The following CFAP54 variants were observed in gnomAD, a reference collection of about 807,000 sequenced individuals.
CFAP54 encodes the protein cilia- and flagella-associated protein 54.
Under a neutral mutation model 370.4 loss-of-function variants are expected in CFAP54, and 290 were observed. That is an observed-to-expected ratio of 0.78 (90% CI 0.71 to 0.86). The LOEUF (loss-of-function observed/expected upper bound fraction) is 0.86. CFAP54 is among the 40% of genes least tolerant of loss of function. CFAP54 has a pLI of 0.00. For synonymous variants in CFAP54, 1,206 were observed against 1,236.5 expected (o/e 0.98, Z 0.52); for missense variants, 3,399 against 3,528.7 (o/e 0.96, Z 0.93).
chr12:96,687,194 A>G (rs1234949535), intron 42 of CFAP54, among the ~76,000 whole-genome samples: 2 of 152,050 alleles, frequency 1.3e-5, no homozygotes, highest in African/African-American at 4.8e-5. Flanking sequence ...TTCTCTTATA[A>G]GGGCCATCGT....
At chr12:96,642,988 C>G (rs1428275999) in intron 32 of CFAP54, among the ~76,000 whole-genome samples, 2 of 152,194 alleles carry the variant, frequency 1.3e-5, no homozygotes, top group Non-Finnish European at 2.9e-5. Context: ...TGTCCTGTCG[C>G]TGATCTCCCT....
intron 3 of CFAP54, among the ~76,000 whole-genome samples, chr12:96,504,964 TTTC>T (rs1358569895): frequency 6.6e-6 from 1 of 151,578 alleles, no homozygotes; most frequent in African/African-American, 2.4e-5. Context: ...TCTTTCTTTC[TTTC>T]TTTCTTTCCC....
At chr12:96,814,357 A>G (rs1212554328) in intron 64 of CFAP54, among the ~76,000 whole-genome samples, 1 of 152,130 alleles carries the variant, frequency 6.6e-6, no homozygotes, top group Non-Finnish European at 1.5e-5. Context: ...GATGAAGTAG[A>G]TTTTCTTATT....
chr12:96,793,188 C>T (rs1349573595), intron 63 of CFAP54, among the ~76,000 whole-genome samples: 5 of 152,074 alleles, frequency 3.3e-5, no homozygotes, highest in East Asian at 1.9e-4. Flanking sequence ...CTCACCCCTG[C>T]TCCACCCTCT....
At chr12:96,662,582 C>A (rs574776623) in intron 38 of CFAP54, among the ~76,000 whole-genome samples, 1 of 152,320 alleles carries the variant, frequency 6.6e-6, no homozygotes, top group South Asian at 2.1e-4. Context: ...CTGTTTAAAA[C>A]CCTATGGTGG....
intron 39 of CFAP54, among the ~76,000 whole-genome samples, chr12:96,676,547 A>C (rs886373006): frequency 6.6e-6 from 1 of 151,886 alleles, no homozygotes; most frequent in East Asian, 1.9e-4. Context: ...CTTTACTTTT[A>C]TTTAGTTATT....
chr12:96,710,199 C>G (rs759058540), intron 48 of CFAP54, among the ~76,000 whole-genome samples: 1 of 151,254 alleles, frequency 6.6e-6, no homozygotes, highest in South Asian at 2.1e-4. Flanking sequence ...ATGGTGAGAC[C>G]AACAGATCAG....
chr12:96,826,761 T>A (rs540156166), intron 65 of CFAP54, among the ~76,000 whole-genome samples: 1 of 111,714 alleles, frequency 9.0e-6, no homozygotes, highest in African/African-American at 3.8e-5. Flanking sequence ...TAATACATAT[T>A]AATATATTAT....
chr12:96,841,551 G>T (rs949913485), intron 66 of CFAP54, among the ~76,000 whole-genome samples: 1 of 152,162 alleles, frequency 6.6e-6, no homozygotes, highest in Non-Finnish European at 1.5e-5. Flanking sequence ...AGAAGAAGCA[G>T]GTGTGAATTT....
chr12:96,830,513 A>G (rs1959167447), intron 66 of CFAP54, among the ~76,000 whole-genome samples: 2 of 152,178 alleles, frequency 1.3e-5, no homozygotes, highest in Admixed American at 1.3e-4. Flanking sequence ...TATCTTCTTT[A>G]GATAAATATC....
chr12:96,574,248 T>G (rs911410569), intron 19 of CFAP54, among the ~76,000 whole-genome samples: 13 of 152,112 alleles, frequency 8.5e-5, no homozygotes, highest in African/African-American at 3.1e-4. Flanking sequence ...AATGGAAACT[T>G]CAACCTCAAC....
At chr12:96,815,742 G>C (rs958209748) in intron 64 of CFAP54, among the ~76,000 whole-genome samples, 7 of 152,148 alleles carry the variant, frequency 4.6e-5, no homozygotes, top group African/African-American at 1.7e-4. Flanking sequence ...TTTTGTATAA[G>C]GTGTAAGGAA....
chr12:96,752,124 G>GAC (rs1958192913), intron 55 of CFAP54, among the ~76,000 whole-genome samples: 1 of 149,714 alleles, frequency 6.7e-6, no homozygotes, highest in South Asian at 2.1e-4. Context: ...GAGAGAGAGA[G>GAC]AGAGAGAGAT....
At chr12:96,700,888 T>C (rs1957484771) in intron 46 of CFAP54, among the ~76,000 whole-genome samples, 1 of 152,054 alleles carries the variant, frequency 6.6e-6, no homozygotes, top group African/African-American at 2.4e-5. Flanking sequence ...TACCAGCTGG[T>C]TGGATTCAAA....
At chr12:96,616,655 C>T (rs891517108) in intron 26 of CFAP54, among the ~76,000 whole-genome samples, 1 of 152,068 alleles carries the variant, frequency 6.6e-6, no homozygotes, top group Non-Finnish European at 1.5e-5. Context: ...TTAATCACTC[C>T]AGGGAGTAAT....
At chr12:96,572,216 G>T (rs1955927273) in intron 19 of CFAP54, among the ~76,000 whole-genome samples, 1 of 152,132 alleles carries the variant, frequency 6.6e-6, no homozygotes, top group South Asian at 2.1e-4. Flanking sequence ...GTGTGGACAG[G>T]CAAGTACAGA....
chr12:96,511,155 C>G (rs1955161922), intron 4 of CFAP54, among the ~76,000 whole-genome samples: 1 of 151,906 alleles, frequency 6.6e-6, no homozygotes, highest in East Asian at 1.9e-4. Flanking sequence ...ATGTTAAGGA[C>G]CAATTGCATT....
intron 27 of CFAP54, 45 bp from the exon 28 acceptor site, chr12:96,623,722 T>A (rs904400973): frequency 1.2e-5 from 11 of 947,058 alleles, no homozygotes; most frequent in Non-Finnish European, 1.8e-5. Flanking sequence ...GGACAGTTGT[T>A]GCAACACGTT....
intron 20 of CFAP54, 73 bp downstream of exon 20, chr12:96,576,834 T>A: frequency 8.0e-7 from 1 of 1,247,412 alleles, no homozygotes; most frequent in Non-Finnish European, 1.1e-6. Flanking sequence ...TGATTCATAC[T>A]TTGATTGCTT....
Sources: gnomAD v4.1 joint callset for allele counts (sites outside exome capture counted in the v4.1 genomes callset) on GRCh38, gnomAD v4.1.1 for gene constraint, MANE v1.5 for transcripts, NCBI Gene and HGNC (gene_info 2026-07-23, HGNC 2026-07-21) for gene names.